REDIC1: variants seen among roughly 807,000 people sequenced by gnomAD.
REDIC1 encodes HEI10 Interacting Protein 1.
chr12:39,691,591 A>G, the REDIC1 span, among the ~76,000 whole-genome samples: 2 of 152,232 alleles, frequency 1.3e-5, no homozygotes, highest in East Asian at 3.8e-4. Context: ...AAAATAAAGT[A>G]CAAATTACAT....
At chr12:39,782,799 A>G in the REDIC1 span, among the ~76,000 whole-genome samples, 3 of 152,212 alleles carry the variant, frequency 2.0e-5, no homozygotes, top group Admixed American at 6.5e-5. Flanking sequence ...AATAAGGTCC[A>G]GGCTGAGGTG....
the REDIC1 span, chr12:39,755,285 A>ATACT: frequency 5.9e-5 from 9 of 152,134 alleles, no homozygotes; most frequent in Non-Finnish European, 7.4e-5. Context: ...GTGGGAATAA[A>ATACT]TACTTATATT....
At chr12:39,710,842 C>T in the REDIC1 span, among the ~76,000 whole-genome samples, 1 of 151,624 alleles carries the variant, frequency 6.6e-6, no homozygotes, top group Non-Finnish European at 1.5e-5. Flanking sequence ...ATAACTATCA[C>T]AGTGCCTTAC....
At chr12:39,786,372 A>ACCATGATTCTGAGGCCTTCCCAG in the REDIC1 span, among the ~76,000 whole-genome samples, 1 of 149,998 alleles carries the variant, frequency 6.7e-6, no homozygotes, top group Non-Finnish European at 1.5e-5. Flanking sequence ...TTCATCTCCC[A>ACCATGATTCTGAGGCCTTCCCAG]CCATGATTCT....
chr12:39,850,102 T>C, the REDIC1 span, among the ~76,000 whole-genome samples: 3 of 152,122 alleles, frequency 2.0e-5, no homozygotes, highest in African/African-American at 7.2e-5. Context: ...TGCTTTGGCC[T>C]GCTTGACTCC....
the REDIC1 span, among the ~76,000 whole-genome samples, chr12:39,850,969 A>C: frequency 6.6e-6 from 1 of 150,818 alleles, no homozygotes; most frequent in Non-Finnish European, 1.5e-5. Flanking sequence ...GTGCGATTTC[A>C]GCTCACTGCA....
chr12:39,795,334 AATTT>A, the REDIC1 span, among the ~76,000 whole-genome samples: 3 of 152,104 alleles, frequency 2.0e-5, no homozygotes, highest in African/African-American at 7.2e-5. Flanking sequence ...TTTTAAACTT[AATTT>A]ATCATATATT....
chr12:39,854,437 C>G, the REDIC1 span, among the ~76,000 whole-genome samples: 6 of 152,258 alleles, frequency 3.9e-5, no homozygotes, highest in East Asian at 1.2e-3. Context: ...GCCACATAAT[C>G]GGCACTGAGT....
the REDIC1 span, among the ~76,000 whole-genome samples, chr12:39,877,768 C>G: frequency 2.6e-5 from 4 of 152,132 alleles, no homozygotes; most frequent in Non-Finnish European, 5.9e-5. Flanking sequence ...TCTTCTAAAC[C>G]TTTATGCAGT....
chr12:39,741,780 G>A, the REDIC1 span, among the ~76,000 whole-genome samples: 4 of 152,268 alleles, frequency 2.6e-5, no homozygotes, highest in East Asian at 3.9e-4. Context: ...TCTTTAATTT[G>A]TAATTGGTTA....
At chr12:39,726,424 G>C in the REDIC1 span, among the ~76,000 whole-genome samples, 16 of 152,078 alleles carry the variant, frequency 1.1e-4, no homozygotes, top group African/African-American at 3.1e-4. Context: ...TTGGTTTTCT[G>C]TTCCTGTGTT....
chr12:39,684,357 T>C, the REDIC1 span: 2 of 712,358 alleles, frequency 2.8e-6, no homozygotes, highest in Non-Finnish European at 1.7e-6. Context: ...TTTAGCCAAA[T>C]CTTTCTGGTT....
the REDIC1 span, among the ~76,000 whole-genome samples, chr12:39,744,334 A>G: frequency 6.6e-6 from 1 of 152,236 alleles, no homozygotes; most frequent in African/African-American, 2.4e-5. Flanking sequence ...AGTTCTTCCT[A>G]GAGAATGCAG....
chr12:39,818,475 T>G, the REDIC1 span, among the ~76,000 whole-genome samples: 1 of 152,212 alleles, frequency 6.6e-6, no homozygotes, highest in Non-Finnish European at 1.5e-5. Context: ...GGGAAGATGA[T>G]GCTCTGAGTA....
chr12:39,855,486 C>T, the REDIC1 span, among the ~76,000 whole-genome samples: 2 of 152,172 alleles, frequency 1.3e-5, no homozygotes, highest in Non-Finnish European at 2.9e-5. Flanking sequence ...TGCTCTGATA[C>T]ATCTATCAGC....
At chr12:39,710,362 G>A in the REDIC1 span, among the ~76,000 whole-genome samples, 1 of 151,742 alleles carries the variant, frequency 6.6e-6, no homozygotes, top group Non-Finnish European at 1.5e-5. Context: ...CTATTTGAAA[G>A]CCTTCTTGAA....
chr12:39,651,830 C>T, the REDIC1 span, among the ~76,000 whole-genome samples: 3 of 152,160 alleles, frequency 2.0e-5, no homozygotes, highest in Non-Finnish European at 2.9e-5. Flanking sequence ...GATAATGACA[C>T]ATGAACACAT....
At chr12:39,899,206 T>C in the REDIC1 span, among the ~76,000 whole-genome samples, 1 of 152,304 alleles carries the variant, frequency 6.6e-6, no homozygotes, top group Middle Eastern at 3.4e-3. Context: ...TGGTTTAGTC[T>C]TGGGAGGGTG....
At chr12:39,795,454 T>C in the REDIC1 span, among the ~76,000 whole-genome samples, 1,242 of 152,342 alleles carry the variant, frequency 8.2e-3, 46 homozygotes, top group East Asian at 0.12. Flanking sequence ...AGTGATTTTA[T>C]ATTTGTCTAA....
Sources: gnomAD v4.1 joint callset for allele counts (sites outside exome capture counted in the v4.1 genomes callset) on GRCh38, gnomAD v4.1.1 for gene constraint, MANE v1.5 for transcripts, NCBI Gene and HGNC (gene_info 2026-07-23, HGNC 2026-07-21) for gene names.